Variants in DCP2 observed in about 807,000 individuals in gnomAD.
DCP2 encodes the protein decapping mRNA 2.
A neutral mutation model predicts 56.1 loss-of-function variants in DCP2; 30 were observed. That is an observed-to-expected ratio of 0.53 (90% CI 0.40 to 0.73). DCP2 has a LOEUF of 0.73. Among genes scored for constraint, DCP2 ranks in the 30% least tolerant of loss-of-function variants. The pLI, the probability that DCP2 is intolerant of heterozygous loss-of-function variation, is 0.00. For missense variants in DCP2, 533 were observed against 502.7 expected, an observed-to-expected ratio of 1.06 and a Z score of -0.58; for synonymous variants, 197 against 163.3, an observed-to-expected ratio of 1.21 and a Z score of -1.57.
intron 4 of DCP2, among the ~76,000 whole-genome samples, chr5:112,994,674 T>C (rs1748767179): frequency 6.6e-6 from 1 of 152,186 alleles, no homozygotes; most frequent in Admixed American, 6.5e-5. Context: ...TCTTGAGATT[T>C]GAGAAGTTGA....
rs1024259018 is a variant in DCP2 at position 113,014,994 on chromosome 5, A to G, written c.*1510A>G. 1.3e-5 allele frequency: 2 copies of G among 152,642 alleles called. No homozygotes were observed. Among genetic ancestry groups the G allele is most frequent in the African/African-American group, 4.8e-5 (2 of 41,454 alleles). The allele number at this position is 152,642 out of a possible 1,614,324, so 9.5% of individuals were successfully genotyped here. ...GGCTTGATTTTAAAGGAGAAATTCT[A>G]TTTATTAATGAAAGTGTCACCCTTT... is the stretch of plus-strand genomic sequence containing the variant. On this transcript the variant is annotated 3_prime_UTR_variant, in exon 11 of 11. Coordinates refer to ENST00000389063, the MANE Select transcript of DCP2 (RefSeq NM_152624.6).
rs1749972175 is a variant in DCP2, at chr5:113,018,299, G to A, written c.*4815G>A. ...AACTATGATAAAGTATGGAGGTCTT[G>A]AGAATTGTTCATAATGAAATCTTTA... On this transcript the variant is annotated 3_prime_UTR_variant, in exon 11 of 11. Coordinates refer to ENST00000389063, the MANE Select transcript of DCP2 (RefSeq NM_152624.6). The A allele has an allele frequency of 6.6e-6, 1 of 152,200 alleles. No homozygotes were observed. Among genetic ancestry groups the A allele is most frequent in the South Asian group, 2.1e-4 (1 of 4,832 alleles). The allele number at this position is 152,200 out of a possible 1,614,324, so 9.4% of individuals were successfully genotyped here.
At position 113,019,546 on chromosome 5, in the gene DCP2, T is replaced by C. The variant is rs1022524084; in HGVS notation, c.*6062T>C. The C allele has an allele frequency of 6.6e-6, 1 of 152,214 alleles. No homozygotes were observed. Among genetic ancestry groups the C allele is most frequent in the Admixed American group, 6.5e-5 (1 of 15,280 alleles). 9.4% of individuals were successfully genotyped at this position (152,214 alleles called of 1,614,324 possible). ...TCCAAAGAAATGAGTCTTAAAGTTC[T>C]TTGGTCATATTTCACTTTAGAGTTA... On this transcript the variant is annotated 3_prime_UTR_variant, in exon 11 of 11. Coordinates refer to ENST00000389063, the MANE Select transcript of DCP2 (RefSeq NM_152624.6).
At chr5:112,978,844 A>C (rs191754158) in intron 1 of DCP2, among the ~76,000 whole-genome samples, 1 of 152,332 alleles carries the variant, frequency 6.6e-6, no homozygotes, top group Non-Finnish European at 1.5e-5. Context: ...GAAGATAAGT[A>C]TTTAGAAAGG....
intron 2 of DCP2, 67 bp downstream of exon 2, chr5:112,986,053 T>C: frequency 1.4e-6 from 2 of 1,428,640 alleles, no homozygotes; most frequent in Non-Finnish European, 1.9e-6. Context: ...AAATTTCTTT[T>C]TGCTTGCCTT....
At chr5:113,005,151 G>GGGGTGTGTGTGTGTGT (rs140772660) in intron 8 of DCP2, among the ~76,000 whole-genome samples, 9 of 149,420 alleles carry the variant, frequency 6.0e-5, no homozygotes, top group Non-Finnish European at 1.0e-4. Context: ...TGTGCGTGTG[G>GGGGTGTGTGTGTGTGT]GTGTGTGTGT....
chr5:112,992,314 A>G, intron 3 of DCP2, 66 bp downstream of exon 3: 1 of 1,554,770 alleles, frequency 6.4e-7, no homozygotes, highest in Non-Finnish European at 8.7e-7. Flanking sequence ...AAAATTTGTT[A>G]TTGATGTAGT....
chr5:113,007,989 CAAAAG>C lies in DCP2; in HGVS notation c.1002_1006del (p.Lys334AsnfsTer17), dbSNP rs1161608917. ...AAAACAGTATCAAGATTCACCTAAT[CAAAAG>C]AAAAGAACAAATGGGCTTCAGCCAG... On this transcript the variant is annotated frameshift_variant, in exon 9 of 11. Transcript: ENST00000389063. LOFTEE classifies it high-confidence loss of function. 6.2e-7 allele frequency: 1 copy of C among 1,613,854 alleles called. No individual in the cohort carries two copies. The highest frequency in any genetic ancestry group is 1.1e-5 in the South Asian group (1 of 91,064).
intron 4 of DCP2, among the ~76,000 whole-genome samples, chr5:112,997,493 C>T (rs1748916295): frequency 6.6e-6 from 1 of 152,126 alleles, no homozygotes; most frequent in Non-Finnish European, 1.5e-5. Context: ...TAATACAAAG[C>T]AACTATTGGT....
chr5:112,992,697 CAAAATCAGGCTGGGGATTTCCAAAAGG>C lies in DCP2; in HGVS notation c.364_390del (p.Ser122_Lys130del). 6.3e-7 allele frequency: 1 copy of C among 1,584,020 alleles called. No homozygotes were observed. Among genetic ancestry groups the C allele is most frequent in the Non-Finnish European group, 8.5e-7 (1 of 1,171,090 alleles). On this transcript the variant is annotated inframe_deletion, in exon 4 of 11. Coordinates refer to ENST00000389063, the MANE Select transcript of DCP2 (RefSeq NM_152624.6). Reference sequence around the variant, plus strand: ...GTACTACTAGTTCAGGGGTACCTAGCAAAATCAGGCTGGGGATTTCCAAAAGGAAAAGTAAATAAAGAAGAAGCTCCT... The same window carrying C: ...GTACTACTAGTTCAGGGGTACCTAGCAAAAGTAAATAAAGAAGAAGCTCCT...
chr5:112,977,319 C>G (rs1285580899), intron 1 of DCP2, among the ~76,000 whole-genome samples: 1 of 152,232 alleles, frequency 6.6e-6, no homozygotes, highest in African/African-American at 2.4e-5. Flanking sequence ...GCCTCCCTCT[C>G]CCATTGTTTT....
At position 112,989,245 on chromosome 5, in the gene DCP2, C is replaced by T. The variant is rs189613379; in HGVS notation, c.206-2876C>T. On this transcript the variant is annotated intron_variant, in intron 2 of 10. Transcript: ENST00000389063. Reference sequence around the variant, plus strand: ...GAGTTTGATTCCCATCTTGGCCACTCGAAAATCTTGGGTAGGTTATTTAAA... The same window carrying T: ...GAGTTTGATTCCCATCTTGGCCACTTGAAAATCTTGGGTAGGTTATTTAAA... 3.5e-3 allele frequency among the ~76,000 whole-genome samples: 530 copies of T among 152,104 alleles called. 1 individual carries two copies. The highest frequency in any genetic ancestry group is 5.8e-3 in the Non-Finnish European group (394 of 67,990).
At chr5:113,004,726 A>T (rs1029419839) in intron 8 of DCP2, among the ~76,000 whole-genome samples, 1 of 152,172 alleles carries the variant, frequency 6.6e-6, no homozygotes, top group Non-Finnish European at 1.5e-5. Context: ...TTATATCCTC[A>T]GCAAAATACA....
rs1190041102 is a variant in DCP2, at chr5:113,019,702, T to C, written c.*6218T>C. 1 of 152,252 alleles carries C rather than the reference T, an allele frequency of 6.6e-6. No individual in the cohort carries two copies. The highest frequency in any genetic ancestry group is 1.5e-5 in the Non-Finnish European group (1 of 68,040). 9.4% of individuals were successfully genotyped at this position (152,252 alleles called of 1,614,324 possible). A position where few individuals can be genotyped will look rare whatever the true frequency, so the allele number is the denominator to read the frequency against. ...TGTCTGTTTTTAAAAAATAATTGTT[T>C]TGAAGTTTGCTTATTAGCTTAATAC... On this transcript the variant is annotated 3_prime_UTR_variant, in exon 11 of 11. Coordinates refer to ENST00000389063, the MANE Select transcript of DCP2 (RefSeq NM_152624.6).
In DCP2 at chr5:112,985,848, C is replaced by T. The variant is rs374915154; in HGVS notation, c.67C>T (p.His23Tyr). 7 of 1,603,870 alleles carry T rather than the reference C, an allele frequency of 4.4e-6. No homozygotes were observed. The highest frequency in any genetic ancestry group is 6.0e-6 in the Non-Finnish European group (7 of 1,171,396). ...LDDLCSRFIL[H>Y]IPSEERDNAI... ...TGTTTTTGACAGCCGATTTATTTTGCATATTCCCAGCGAGGAAAGAGACAA... is the reference window on the plus strand; with the variant it reads ...TGTTTTTGACAGCCGATTTATTTTGTATATTCCCAGCGAGGAAAGAGACAA... Residue 23 changes from histidine (H) to tyrosine (Y), a missense_variant, in exon 2 of 11, where the codon CAT (histidine) becomes TAT (tyrosine). By Grantham distance (83) the His-to-Tyr change is moderately conservative. This residue lies in a region of DCP2 where 137 missense variants were observed against 138.2 expected (regional missense o/e 0.99). Transcript: ENST00000389063.
intron 9 of DCP2, among the ~76,000 whole-genome samples, chr5:113,008,993 G>A (rs1031095513): frequency 3.3e-5 from 5 of 151,988 alleles, no homozygotes; most frequent in African/African-American, 1.2e-4. Flanking sequence ...AGAGGTGTGC[G>A]CCACCACCCC....
At chr5:112,986,295 CT>C (rs1349499720) in intron 2 of DCP2, among the ~76,000 whole-genome samples, 1 of 151,570 alleles carries the variant, frequency 6.6e-6, no homozygotes, top group Non-Finnish European at 1.5e-5. Flanking sequence ...ACCAGATGAT[CT>C]TTTAATCAGA....
Position 113,003,559 on chromosome 5 carries a change from G to T in DCP2, c.807-383G>T, listed in dbSNP as rs1009728638. Among the ~76,000 whole-genome samples the T allele has an allele frequency of 4.6e-5, 7 of 152,118 alleles. No homozygotes were observed. In the East Asian group the frequency reaches 1.2e-3, roughly 25 times the overall value. On this transcript the variant is annotated intron_variant, in intron 7 of 10. Transcript: ENST00000389063. ...CCACTGCACTCCAGCCTGGATGACA[G>T]AGGGAAACCCAGTCTCAAAAAGCAG... is the stretch of plus-strand genomic sequence containing the variant.
At chr5:113,010,840 C>T in intron 10 of DCP2, 33 bp downstream of exon 10, 2 of 1,577,654 alleles carry the variant, frequency 1.3e-6, no homozygotes, top group Non-Finnish European at 1.7e-6. Context: ...ATAATCTCTG[C>T]CTTGTGGGAT....
Sources: allele counts gnomAD v4.1 joint callset (sites outside exome capture counted in the v4.1 genomes callset), GRCh38; gene constraint gnomAD v4.1.1; regional missense constraint gnomAD v4.1.1; transcripts MANE v1.5; gene names NCBI Gene and HGNC (gene_info 2026-07-23, HGNC 2026-07-21).